The following SPATA20 variants were observed in gnomAD, a reference collection of about 807,000 sequenced individuals.
SPATA20 encodes the protein spermatogenesis associated 20.
SPATA20 carries 74 observed loss-of-function variants against 98.9 expected under a neutral mutation model. The ratio of observed to expected loss-of-function variants is 0.75; its 90% CI spans 0.62 to 0.91. SPATA20 has a LOEUF of 0.91. Ranked by LOEUF, SPATA20 falls within the 40% of genes least tolerant of loss-of-function variation. SPATA20 has a pLI of 0.00. For missense variants in SPATA20, 1,016 were observed against 1,069.8 expected, an observed-to-expected ratio of 0.95 and a Z score of 0.70; for synonymous variants, 430 against 440.5, an observed-to-expected ratio of 0.98 and a Z score of 0.30.
At position 50,555,579 on chromosome 17, in the gene SPATA20, G is replaced by A. The variant is rs768079412; in HGVS notation, c.2326G>A (p.Ala776Thr). 8 of 1,613,964 alleles carry A rather than the reference G, an allele frequency of 5.0e-6. No homozygotes were observed. The highest frequency in any genetic ancestry group is 1.6e-4 in the Middle Eastern group (1 of 6,082). ...TACCCTCCGACGGTTGGAAGACCAGGCCACTGCATATGTGTGTGAGAATCA... is the reference window on the plus strand; with the variant it reads ...TACCCTCCGACGGTTGGAAGACCAGACCACTGCATATGTGTGTGAGAATCA... ...LSTLRRLEDQATAYVCENQAC... is the reference protein window; with the variant it reads ...LSTLRRLEDQTTAYVCENQAC... Residue 776 changes from alanine (A) to threonine (T), a missense_variant, in exon 17 of 17, where the codon GCC becomes ACC. Ala to Thr is a moderately conservative substitution (Grantham distance 58, BLOSUM62 0). Coordinates refer to ENST00000006658, the MANE Select transcript of SPATA20 (RefSeq NM_022827.4).
In SPATA20 at chr17:50,555,771, CA is replaced by C; in HGVS notation, c.*110del. 3 of 965,042 alleles carry C rather than the reference CA, an allele frequency of 3.1e-6. No homozygotes were observed. In the Admixed American group the frequency reaches 8.3e-5, roughly 27 times the overall value. The allele number at this position is 965,042 out of a possible 1,614,324, so 59.8% of individuals were successfully genotyped here. A position where few individuals can be genotyped will look rare whatever the true frequency, so the allele number is the denominator to read the frequency against. On this transcript the variant is annotated 3_prime_UTR_variant, in exon 17 of 17. Transcript: ENST00000006658. ...CTGTGGCCATCCCTGAGCACCCTGC[CA>C]CCAGGTGACCTCGGCCATACTCACT...
At position 50,555,486 on chromosome 17, in the gene SPATA20, C is replaced by T. The variant is rs369348158; in HGVS notation, c.2239-6C>T. 1.5e-4 allele frequency: 235 copies of T among 1,613,702 alleles called. 1 individual carries two copies. The highest frequency in any genetic ancestry group is 1.9e-4 in the Non-Finnish European group (230 of 1,179,894). ...GGTGACTCTCCCTGCTCTGCTGCTG[C>T]CCTAGGTGCTGATTCTGGCTGATGG... On this transcript the variant is annotated splice_region_variant and splice_polypyrimidine_tract_variant and intron_variant, in intron 16 of 16. Coordinates refer to ENST00000006658, the MANE Select transcript of SPATA20 (RefSeq NM_022827.4).
chr17:50,549,459 C>T lies in SPATA20; in HGVS notation c.834C>T (p.Phe278=), dbSNP rs759580939. 2.0e-5 allele frequency: 32 copies of T among 1,612,158 alleles called. No homozygotes were observed. The highest frequency in any genetic ancestry group is 1.7e-4 in the Admixed American group (10 of 59,998). The change falls in exon 7 of 17, where the codon TTC becomes TTT. Residue 278 remains phenylalanine (F), a synonymous_variant. Coordinates refer to ENST00000006658, the MANE Select transcript of SPATA20 (RefSeq NM_022827.4). ...GCTATGATGAGGAATACGGTGGCTT[C>T]GCTGAGGCCCCCAAGTTTCCCACGC... ...DEGYDEEYGG[F]AEAPKFPTPV...
At chr17:50,551,737 C>T in intron 13 of SPATA20, 58 bp downstream of exon 13, 1 of 1,529,814 alleles carries the variant, frequency 6.5e-7, no homozygotes, top group Non-Finnish European at 8.9e-7. Flanking sequence ...CAGCCTACCT[C>T]TGCCCTACTT....
In SPATA20 at chr17:50,555,630, C is replaced by T. The variant is rs768562005; in HGVS notation, c.2377C>T (p.Pro793Ser). The change falls in exon 17 of 17, where the codon CCC (proline) becomes TCC (serine). Residue 793 changes from proline (P) to serine (S), a missense_variant. Pro to Ser is a moderately conservative substitution (Grantham distance 74, BLOSUM62 -1). Coordinates refer to ENST00000006658, the MANE Select transcript of SPATA20 (RefSeq NM_022827.4). The stretch of plus-strand genomic sequence containing the variant: ...AGCCTGCTCAGTGCCCATCACTGAT[C>T]CCTGCGAATTACGAAAACTACTACA... Reference protein sequence around the residue: ...NQACSVPITDPCELRKLLHP With the variant: ...NQACSVPITDSCELRKLLHP The T allele has an allele frequency of 8.1e-6, 13 of 1,613,890 alleles. No homozygotes were observed. Among genetic ancestry groups the T allele is most frequent in the Non-Finnish European group, 1.1e-5 (13 of 1,179,962 alleles).
In SPATA20 at chr17:50,554,640, C is replaced by T. The variant is rs151182908; in HGVS notation, c.2157+190C>T. 2.5e-3 allele frequency among the ~76,000 whole-genome samples: 375 copies of T among 152,240 alleles called. 2 individuals are homozygous for T. The highest frequency in any genetic ancestry group is 8.2e-3 in the African/African-American group (340 of 41,550). Reference sequence around the variant, plus strand: ...GTCCGTGGTGGCTGATGAAGTGTTTCTCTGTACGTCTTGGTGTCAGTGTAA... The same window carrying T: ...GTCCGTGGTGGCTGATGAAGTGTTTTTCTGTACGTCTTGGTGTCAGTGTAA... On this transcript the variant is annotated intron_variant, in intron 15 of 16. Transcript: ENST00000006658.
In SPATA20 at chr17:50,549,985, T is replaced by C; in HGVS notation, c.863T>C (p.Val288Ala). 1 of 1,541,508 alleles carries C rather than the reference T, an allele frequency of 6.5e-7. No individual in the cohort carries two copies. Among genetic ancestry groups the C allele is most frequent in the Non-Finnish European group, 8.8e-7 (1 of 1,138,742 alleles). ...FAEAPKFPTP[V>A]ILSFLFSYWL... ...CTGCATGTTCTTGGTGCCCCCACAGTGATCCTGAGCTTCCTGTTCTCCTAC... is the reference window on the plus strand; with the variant it reads ...CTGCATGTTCTTGGTGCCCCCACAGCGATCCTGAGCTTCCTGTTCTCCTAC... Residue 288 changes from valine (V) to alanine (A), a missense_variant and splice_region_variant, in exon 8 of 17, where the codon GTG becomes GCG. Coordinates refer to ENST00000006658, the MANE Select transcript of SPATA20 (RefSeq NM_022827.4).
chr17:50,553,238 C>T (rs2035043701), intron 14 of SPATA20, among the ~76,000 whole-genome samples: 1 of 152,206 alleles, frequency 6.6e-6, no homozygotes, highest in Non-Finnish European at 1.5e-5. Context: ...TCCCCAGGGT[C>T]TAGTGTGGTT....
rs370463201 is a variant in SPATA20 at position 50,555,660 on chromosome 17, T to A, written c.2407T>A (p.Ter803ArgextTer33). The A allele has an allele frequency of 2.5e-6, 4 of 1,613,492 alleles. No individual in the cohort carries two copies. The African/African-American group carries it at 5.3e-5, about 22-fold the overall frequency. ...PCELRKLLHP[*>R] is the part of the protein sequence containing the mutation. ...CGAATTACGAAAACTACTACATCCA[T>A]GACTGCCCCAACCCCCTTGGGGTGG... is the stretch of plus-strand genomic sequence containing the variant. The change falls in exon 17 of 17, where the codon TGA (stop) becomes AGA (arginine). Residue 803 changes from the stop codon to arginine (R), a stop_lost. Coordinates refer to ENST00000006658, the MANE Select transcript of SPATA20 (RefSeq NM_022827.4).
chr17:50,554,390 C>T lies in SPATA20; in HGVS notation c.2097C>T (p.Val699=), dbSNP rs201828110. 7.5e-5 allele frequency: 121 copies of T among 1,613,960 alleles called. 1 individual carries two copies. In the Admixed American group the frequency reaches 2.0e-3, roughly 26 times the overall value. Residue 699 remains valine (V), a synonymous_variant, in exon 15 of 17, where the codon GTC becomes GTT. Coordinates refer to ENST00000006658, the MANE Select transcript of SPATA20 (RefSeq NM_022827.4). ...LTAFSERMRR[V]PVALPEMVRA... is the part of the protein sequence containing the mutation. ...CCTTTTCCGAGCGCATGCGTCGTGT[C>T]CCGGTGGCGTTGCCCGAGATGGTCC... is the stretch of plus-strand genomic sequence containing the variant.
rs1195130645 is a variant in SPATA20 at position 50,548,472 on chromosome 17, G to A, written c.296+19G>A. ...TGGACTGGTGAGCACCTCTCCTGGG[G>A]CCCTGCCTGGAATCGCTGGGGTCCT... is the stretch of plus-strand genomic sequence containing the variant. On this transcript the variant is annotated intron_variant, in intron 3 of 16. Transcript: ENST00000006658. The A allele has an allele frequency of 9.9e-6, 16 of 1,613,684 alleles. No individual in the cohort carries two copies. Among genetic ancestry groups the A allele is most frequent in the Non-Finnish European group, 1.3e-5 (15 of 1,179,782 alleles).
intron 14 of SPATA20, among the ~76,000 whole-genome samples, chr17:50,552,495 T>C (rs905939538): frequency 1.3e-5 from 2 of 151,018 alleles, no homozygotes; most frequent in African/African-American, 4.9e-5. Flanking sequence ...CTTTTCTTTT[T>C]ATTTCCTTTC....
chr17:50,555,500 T>A lies in SPATA20; in HGVS notation c.2247T>A (p.Ile749=). 1 of 1,613,914 alleles carries A rather than the reference T, an allele frequency of 6.2e-7. No homozygotes were observed. ...CTCTGCTGCTGCCCTAGGTGCTGAT[T>A]CTGGCTGATGGGGACCCCTCGAGCT... ...HSVYIPNKVL[I]LADGDPSSFL... Residue 749 remains isoleucine (I), a synonymous_variant, in exon 17 of 17, where the codon ATT becomes ATA. Coordinates refer to ENST00000006658, the MANE Select transcript of SPATA20 (RefSeq NM_022827.4).
chr17:50,551,623 C>T lies in SPATA20; in HGVS notation c.1689C>T (p.Ala563=), dbSNP rs747502783. 18 of 1,603,736 alleles carry T rather than the reference C, an allele frequency of 1.1e-5. No individual in the cohort carries two copies. Among genetic ancestry groups the T allele is most frequent in the Non-Finnish European group, 1.5e-5 (17 of 1,171,962 alleles). ...KFLKRHMFDV[A]SGRLMRTCYT... ...TGAAGCGGCACATGTTTGATGTGGCCAGTGGCCGCCTGATGCGGACCTGCT... is the reference window on the plus strand; with the variant it reads ...TGAAGCGGCACATGTTTGATGTGGCTAGTGGCCGCCTGATGCGGACCTGCT... The change falls in exon 13 of 17, where the codon GCC becomes GCT. Residue 563 remains alanine, a synonymous_variant. Coordinates refer to ENST00000006658, the MANE Select transcript of SPATA20 (RefSeq NM_022827.4).
In SPATA20 at chr17:50,548,954, C is replaced by G; in HGVS notation, c.506C>G (p.Thr169Arg). The change falls in exon 5 of 17, where the codon ACG (threonine) becomes AGG (arginine). Residue 169 changes from threonine (T) to arginine (R), a missense_variant. Transcript: ENST00000006658. ...CCTGACGTGGACAAGGTGTACATGACGTTCGTGCAGGTGAGCAGCCCTCCT... is the reference window on the plus strand; with the variant it reads ...CCTGACGTGGACAAGGTGTACATGAGGTTCGTGCAGGTGAGCAGCCCTCCT... ...ERPDVDKVYMTFVQATSSGGG... is the reference protein window; with the variant it reads ...ERPDVDKVYMRFVQATSSGGG... 6.2e-7 allele frequency: 1 copy of G among 1,614,142 alleles called. No homozygotes were observed. The highest frequency in any genetic ancestry group is 8.5e-7 in the Non-Finnish European group (1 of 1,180,012).
chr17:50,550,013 GCTCAGCCATCGA>G lies in SPATA20; in HGVS notation c.894_905del (p.Ser299_Leu302del). 6.4e-7 allele frequency: 1 copy of G among 1,565,306 alleles called. No homozygotes were observed. The highest frequency in any genetic ancestry group is 8.7e-7 in the Non-Finnish European group (1 of 1,149,598). On this transcript the variant is annotated inframe_deletion, in exon 8 of 17. Coordinates refer to ENST00000006658, the MANE Select transcript of SPATA20 (RefSeq NM_022827.4). The stretch of plus-strand genomic sequence containing the variant: ...TCCTGAGCTTCCTGTTCTCCTACTG[GCTCAGCCATCGA>G]CTGACTCAGGATGGCTCTCGGGCCC...
intron 14 of SPATA20, among the ~76,000 whole-genome samples, 174 bp downstream of exon 14, chr17:50,552,354 C>G (rs1381209237): frequency 2.0e-5 from 3 of 152,098 alleles, no homozygotes; most frequent in African/African-American, 7.2e-5. Flanking sequence ...TAAATAGAGA[C>G]AGAGTCTTGC....
chr17:50,547,196 G>A lies in SPATA20; in HGVS notation c.-13G>A, dbSNP rs1487503599. The A allele has an allele frequency of 5.6e-6, 8 of 1,424,402 alleles. No homozygotes were observed. The highest frequency in any genetic ancestry group is 2.9e-5 in the South Asian group (2 of 68,890). The allele number at this position is 1,424,402 out of a possible 1,614,324, so 88.2% of individuals were successfully genotyped here. A position where few individuals can be genotyped will look rare whatever the true frequency, so the allele number is the denominator to read the frequency against. On this transcript the variant is annotated 5_prime_UTR_variant, in exon 1 of 17. Coordinates refer to ENST00000006658, the MANE Select transcript of SPATA20 (RefSeq NM_022827.4). ...CCTGTCCTCAGCGGCCGGGCCCACG[G>A]CCCCGAGCAGCCATGCTGGGCGCGC... is the stretch of plus-strand genomic sequence containing the variant.
Position 50,555,251 on chromosome 17 carries a change from G to A in SPATA20, c.2177G>A (p.Arg726His), listed in dbSNP as rs200648820. 1.1e-5 allele frequency: 18 copies of A among 1,613,886 alleles called. No homozygotes were observed. The highest frequency in any genetic ancestry group is 2.2e-5 in the East Asian group (1 of 44,866). The stretch of plus-strand genomic sequence containing the variant: ...GGTCAGATCGTGATCTGTGGAGACC[G>A]TCAGGCCAAGGACACCAAGGCCCTG... ...TLKQIVICGDRQAKDTKALVQ... is the reference protein window; with the variant it reads ...TLKQIVICGDHQAKDTKALVQ... The change falls in exon 16 of 17, where the codon CGT becomes CAT. Residue 726 changes from arginine to histidine, a missense_variant. Arg to His is a conservative substitution (Grantham distance 29). Coordinates refer to ENST00000006658, the MANE Select transcript of SPATA20 (RefSeq NM_022827.4).
Sources: gnomAD v4.1 joint callset for allele counts (sites outside exome capture counted in the v4.1 genomes callset) on GRCh38, gnomAD v4.1.1 for gene constraint, MANE v1.5 for transcripts, NCBI Gene and HGNC (gene_info 2026-07-23, HGNC 2026-07-21) for gene names.